Variants in ARHGEF4 observed in about 807,000 individuals in gnomAD.
The protein encoded by ARHGEF4 is APC-stimulated guanine nucleotide exchange factor 1.
Under a neutral mutation model 162.0 loss-of-function variants are expected in ARHGEF4, and 119 were observed. The observed-to-expected ratio is 0.73, with a 90% CI of 0.63 to 0.86. ARHGEF4 has a LOEUF of 0.86. Among genes scored for constraint, ARHGEF4 ranks in the 40% least tolerant of loss-of-function variants. The pLI, the probability that ARHGEF4 is intolerant of heterozygous loss-of-function variation, is 0.00. For synonymous variants in ARHGEF4, 1,014 were observed against 979.9 expected (o/e 1.03, Z -0.65); for missense variants, 2,488 against 2,456.0 (o/e 1.01, Z -0.28).
intron 2 of ARHGEF4, among the ~76,000 whole-genome samples, chr2:130,928,318 A>T (rs1293438559): frequency 6.6e-6 from 1 of 152,238 alleles, no homozygotes. Flanking sequence ...GAGAAGATAC[A>T]GGATTATACC....
chr2:131,022,450 TTCATGGTATTC>T (rs1689192740), intron 4 of ARHGEF4, among the ~76,000 whole-genome samples: 1 of 152,148 alleles, frequency 6.6e-6, no homozygotes. Context: ...TGTACAACAG[TTCATGGTATTC>T]TCATAATCAT....
rs183603430 is a variant in ARHGEF4 at position 130,882,370 on chromosome 2, G to C, written c.40-31616G>C. ...ACATCTATTTCCCCCAGGTCTAAAG[G>C]CTGGACGCCCGTGGTCAGGTTCCAG... On this transcript the variant is annotated intron_variant, in intron 1 of 13. Transcript: ENST00000409359. 5.4e-3 allele frequency among the ~76,000 whole-genome samples: 825 copies of C among 152,170 alleles called. 13 individuals carry two copies. Among genetic ancestry groups the C allele is most frequent in the Non-Finnish European group, 4.9e-3 (336 of 68,020 alleles).
intron 3 of ARHGEF4, among the ~76,000 whole-genome samples, chr2:130,943,475 T>C (rs990139377): frequency 6.6e-6 from 1 of 152,192 alleles, no homozygotes; most frequent in Non-Finnish European, 1.5e-5. Context: ...GATTTAGGTT[T>C]ACCATGTTAT....
At chr2:130,996,295 G>A (rs1386906206) in intron 4 of ARHGEF4, among the ~76,000 whole-genome samples, 1 of 152,222 alleles carries the variant, frequency 6.6e-6, no homozygotes, top group Non-Finnish European at 1.5e-5. Flanking sequence ...CGTTCCCTCT[G>A]TGTCCTAACC....
At chr2:131,044,245 G>C in intron 11 of ARHGEF4, 54 bp from the exon 12 acceptor site, 1 of 1,597,910 alleles carries the variant, frequency 6.3e-7, no homozygotes, top group Non-Finnish European at 8.5e-7. Context: ...GGAGCAGCCA[G>C]GAAATGGTCA....
intron 4 of ARHGEF4, among the ~76,000 whole-genome samples, chr2:131,004,409 C>T (rs1272769708): frequency 6.6e-6 from 1 of 152,228 alleles, no homozygotes; most frequent in Non-Finnish European, 1.5e-5. Flanking sequence ...TCATGATCCC[C>T]CTGCCTTGGC....
intron 4 of ARHGEF4, among the ~76,000 whole-genome samples, chr2:130,957,354 G>A (rs1188881536): frequency 6.6e-6 from 1 of 151,718 alleles, no homozygotes; most frequent in African/African-American, 2.4e-5. Context: ...ATTATTCTAA[G>A]TGAAAGAAGC....
intron 2 of ARHGEF4, among the ~76,000 whole-genome samples, chr2:130,917,871 G>A (rs1046053610): frequency 1.0e-4 from 15 of 146,252 alleles, no homozygotes; most frequent in African/African-American, 2.3e-4. Flanking sequence ...CGCCCAGGCT[G>A]GAGTGCAGTC....
chr2:130,934,191 A>G (rs1183063690), intron 3 of ARHGEF4, among the ~76,000 whole-genome samples: 1 of 152,188 alleles, frequency 6.6e-6, no homozygotes, highest in Non-Finnish European at 1.5e-5. Flanking sequence ...AACTGAGATA[A>G]TCATGCATGT....
At chr2:130,840,740 A>G (rs1357442525) in intron 1 of ARHGEF4, among the ~76,000 whole-genome samples, 2 of 152,216 alleles carry the variant, frequency 1.3e-5, no homozygotes, top group Admixed American at 6.5e-5. Context: ...GCCTCTGGCA[A>G]GCGTCACTCC....
intron 4 of ARHGEF4, among the ~76,000 whole-genome samples, chr2:130,994,389 A>T (rs897462772): frequency 1.3e-5 from 2 of 152,026 alleles, no homozygotes; most frequent in African/African-American, 4.8e-5. Flanking sequence ...TTTAGTGTTT[A>T]TCTTAGAAAT....
At chr2:131,020,993 A>G (rs551373860) in intron 4 of ARHGEF4, among the ~76,000 whole-genome samples, 42 of 152,286 alleles carry the variant, frequency 2.8e-4, no homozygotes, top group Non-Finnish European at 4.0e-4. Flanking sequence ...TCTTCGTTTG[A>G]GAAGTGTCTG....
chr2:131,035,000 A>AGG, intron 5 of ARHGEF4: 1 of 983,660 alleles, frequency 1.0e-6, no homozygotes, highest in Non-Finnish European at 1.2e-6. Flanking sequence ...CCGCGAGCGC[A>AGG]GGCGCCCCGC....
chr2:131,044,225 A>G, intron 11 of ARHGEF4, 74 bp from the exon 12 acceptor site: 1 of 1,570,998 alleles, frequency 6.4e-7, no homozygotes. Flanking sequence ...ATGGCTGGGG[A>G]GAGGAGGTGG....
At chr2:130,844,265 A>C (rs1390023004) in intron 1 of ARHGEF4, among the ~76,000 whole-genome samples, 1 of 152,210 alleles carries the variant, frequency 6.6e-6, no homozygotes, top group Non-Finnish European at 1.5e-5. Flanking sequence ...GGTGAGGTTT[A>C]AACGATATTG....
At chr2:130,867,348 C>T (rs183938820) in intron 1 of ARHGEF4, among the ~76,000 whole-genome samples, 16 of 152,006 alleles carry the variant, frequency 1.1e-4, no homozygotes, top group African/African-American at 3.6e-4. Context: ...AAGTGATTCT[C>T]CTGCCTCAGC....
intron 4 of ARHGEF4, among the ~76,000 whole-genome samples, chr2:130,960,921 T>C (rs577491844): frequency 1.2e-3 from 182 of 152,324 alleles, no homozygotes; most frequent in African/African-American, 4.3e-3. Context: ...TCAAAATTAC[T>C]GAGGTCTCCG....
intron 1 of ARHGEF4, among the ~76,000 whole-genome samples, chr2:130,909,072 G>T (rs1681015684): frequency 6.6e-6 from 1 of 152,208 alleles, no homozygotes; most frequent in Admixed American, 6.5e-5. Flanking sequence ...CTCATACATT[G>T]TGGGGAGTGA....
At chr2:130,879,297 AT>A (rs1027194440) in intron 1 of ARHGEF4, among the ~76,000 whole-genome samples, 2 of 152,080 alleles carry the variant, frequency 1.3e-5, no homozygotes, top group Non-Finnish European at 2.9e-5. Flanking sequence ...TTTACAGGAG[AT>A]TTTTTTCTTT....
Sources: gnomAD v4.1 joint callset for allele counts (sites outside exome capture counted in the v4.1 genomes callset) on GRCh38, gnomAD v4.1.1 for gene constraint, MANE v1.5 for transcripts, NCBI Gene and HGNC (gene_info 2026-07-23, HGNC 2026-07-21) for gene names.